The following PCDHA2 variants were observed in gnomAD, a reference collection of about 807,000 sequenced individuals.
PCDHA2 encodes the protein protocadherin alpha 2.
PCDHA2 carries 58 observed loss-of-function variants against 66.0 expected under a neutral mutation model. The ratio of observed to expected loss-of-function variants is 0.88; its 90% CI spans 0.71 to 1.09. PCDHA2 has a LOEUF of 1.09. Among genes scored for constraint, PCDHA2 ranks in the 50% least tolerant of loss-of-function variants. PCDHA2 has a pLI of 0.00. For synonymous variants in PCDHA2, 634 were observed against 554.0 expected, an observed-to-expected ratio of 1.14 and a Z score of -2.03; for missense variants, 1,267 against 1,242.3, an observed-to-expected ratio of 1.02 and a Z score of -0.30.
At chr5:140,877,705 G>A (rs974017564) in intron 1 of PCDHA2, 1 of 1,614,016 alleles carries the variant, frequency 6.2e-7, no homozygotes, top group South Asian at 1.1e-5. Flanking sequence ...CTCCAGCGCC[G>A]TGGGGAGTTG....
chr5:140,828,105 CG>C (rs2150151018), intron 1 of PCDHA2: 1 of 1,610,250 alleles, frequency 6.2e-7, no homozygotes, highest in Non-Finnish European at 8.5e-7. Flanking sequence ...GTGTTTACCC[CG>C]GAGGATAGAT....
At chr5:141,007,395 C>CAAAAAAAAAAAAA (rs35800918) in intron 3 of PCDHA2, among the ~76,000 whole-genome samples, 1 of 94,866 alleles carries the variant, frequency 1.1e-5, no homozygotes. Flanking sequence ...TACTAAAATA[C>CAAAAAAAAAAAAA]AAAAAAAAAA....
At chr5:140,803,853 C>T (rs1044553509) in intron 1 of PCDHA2, 9 of 590,676 alleles carry the variant, frequency 1.5e-5, no homozygotes, top group Middle Eastern at 4.4e-4. Context: ...TTGCTAAATG[C>T]CTGGGTATAA....
chr5:140,890,341 T>C (rs2062601372), intron 1 of PCDHA2, among the ~76,000 whole-genome samples: 1 of 152,190 alleles, frequency 6.6e-6, no homozygotes, highest in Non-Finnish European at 1.5e-5. Context: ...GTTGGGATGG[T>C]TTACTATATA....
chr5:140,840,414 T>C (rs1377292591), intron 1 of PCDHA2, among the ~76,000 whole-genome samples: 1 of 151,872 alleles, frequency 6.6e-6, no homozygotes, highest in Non-Finnish European at 1.5e-5. Flanking sequence ...ATACTTCAAA[T>C]AATAGGCTAG....
Position 140,795,664 on chromosome 5 carries a change from GA to G in PCDHA2, c.701del (p.Asp234ValfsTer2). The G allele has an allele frequency of 6.2e-7, 1 of 1,614,126 alleles. No individual in the cohort carries two copies. The highest frequency in any genetic ancestry group is 8.5e-7 in the Non-Finnish European group (1 of 1,180,010). ...CGTTCAAATACTTATTAAGGTATTAGATGTAAATGACAATGAACCAACTTTT... is the reference window on the plus strand; with the variant it reads ...CGTTCAAATACTTATTAAGGTATTAGTGTAAATGACAATGAACCAACTTTT... ...GTVQILIKVLDVNDNEPTFAQ... is the reference protein window; with the variant it reads ...GTVQILIKVLXVNDNEPTFAQ... On this transcript the variant is annotated frameshift_variant, in exon 1 of 4. Transcript: ENST00000526136. LOFTEE classifies it high-confidence loss of function.
intron 3 of PCDHA2, among the ~76,000 whole-genome samples, chr5:141,005,572 C>T (rs548748234): frequency 4.6e-5 from 7 of 151,094 alleles, no homozygotes; most frequent in East Asian, 1.9e-4. Context: ...CATGGTGGCG[C>T]GTGCCTGTAG....
rs2150443842 is a variant in PCDHA2 at position 140,849,644 on chromosome 5, G to A, written c.2388+52292G>A. 141 of 1,598,706 alleles carry A rather than the reference G, an allele frequency of 8.8e-5. 10 individuals are homozygous for A. In the East Asian group the frequency reaches 1.0e-3, roughly 12 times the overall value. ...TCGACCTAGACGCAGATGCCAACGG[G>A]CAGGTTACCTGCTCCCTGACGCCCC... On this transcript the variant is annotated intron_variant, in intron 1 of 3. Coordinates refer to ENST00000526136, the MANE Select transcript of PCDHA2 (RefSeq NM_018905.3).
intron 1 of PCDHA2, among the ~76,000 whole-genome samples, chr5:140,893,379 ACAG>A (rs2063957000): frequency 6.6e-6 from 1 of 152,140 alleles, no homozygotes; most frequent in South Asian, 2.1e-4. Context: ...CATTTATGGG[ACAG>A]TGGCTCATGC....
intron 1 of PCDHA2, chr5:140,927,331 A>T: frequency 6.2e-7 from 1 of 1,614,134 alleles, no homozygotes; most frequent in Non-Finnish European, 8.5e-7. Flanking sequence ...TACTCTCCCG[A>T]ATGCCCAAGA....
chr5:140,823,064 G>T (rs2150121897), intron 1 of PCDHA2: 1 of 1,614,062 alleles, frequency 6.2e-7, no homozygotes, highest in Non-Finnish European at 8.5e-7. Context: ...CGGGACGGGG[G>T]CTCGCCTTCG....
chr5:140,830,614 TTG>T (rs1387881436), intron 1 of PCDHA2: 73 of 608,268 alleles, frequency 1.2e-4, no homozygotes, highest in East Asian at 2.1e-4. Context: ...TTTCATTTTA[TTG>T]TGTTTCTTAT....
At chr5:140,828,950 G>A (rs2150161338) in intron 1 of PCDHA2, 72 of 1,614,042 alleles carry the variant, frequency 4.5e-5, no homozygotes, top group Admixed American at 1.5e-4. Context: ...CCTTGTTGCA[G>A]CCATGGTTAT....
In PCDHA2 at chr5:140,843,325, G is replaced by T. The variant is rs2150357511; in HGVS notation, c.2388+45973G>T. ...CCGCCACGGCCACGGTTCTGGTGTC[G>T]CTGGTGGAGAGCGGCCAGGCTCCAA... On this transcript the variant is annotated intron_variant, in intron 1 of 3. Coordinates refer to ENST00000526136, the MANE Select transcript of PCDHA2 (RefSeq NM_018905.3). 5.0e-6 allele frequency: 8 copies of T among 1,596,050 alleles called. 2 individuals are homozygous for T. Among genetic ancestry groups the T allele is most frequent in the Non-Finnish European group, 6.0e-6 (7 of 1,165,566 alleles).
chr5:140,932,500 T>C (rs2088368568), intron 1 of PCDHA2, among the ~76,000 whole-genome samples: 3 of 151,914 alleles, frequency 2.0e-5, no homozygotes, highest in Non-Finnish European at 4.4e-5. Context: ...ATGTCATTTG[T>C]TAACAGTAGT....
At chr5:140,896,864 G>A (rs1223708211) in intron 1 of PCDHA2, among the ~76,000 whole-genome samples, 1 of 152,088 alleles carries the variant, frequency 6.6e-6, no homozygotes, top group Admixed American at 6.5e-5. Flanking sequence ...CATAATAAGT[G>A]TACATATTTA....
In PCDHA2 at chr5:140,850,346, C is replaced by A. The variant is rs2150480590; in HGVS notation, c.2388+52994C>A. On this transcript the variant is annotated intron_variant, in intron 1 of 3. Transcript: ENST00000526136. ...ACGAGCTGCAGCCAGAAACGGCCAGCGCGAGCATCCCGTTCCGCGTGGGGC... is the reference window on the plus strand; with the variant it reads ...ACGAGCTGCAGCCAGAAACGGCCAGAGCGAGCATCCCGTTCCGCGTGGGGC... 9 of 1,597,626 alleles carry A rather than the reference C, an allele frequency of 5.6e-6. 1 individual carries two copies. In the East Asian group the frequency reaches 2.0e-4, roughly 36 times the overall value.
chr5:141,010,377 G>A lies in PCDHA2; in HGVS notation c.*440G>A. 1 of 1,444,554 alleles carries A rather than the reference G, an allele frequency of 6.9e-7. No individual in the cohort carries two copies. The highest frequency in any genetic ancestry group is 1.4e-5 in the South Asian group (1 of 71,996). The allele number at this position is 1,444,554 out of a possible 1,614,324, so 89.5% of individuals were successfully genotyped here. ...GGCTACCGCGGGTATGCGAGTGCCA[G>A]ATATTGGCTGAGACGAGCCAGCTTA... On this transcript the variant is annotated 3_prime_UTR_variant, in exon 4 of 4. Transcript: ENST00000526136.
intron 1 of PCDHA2, chr5:140,852,273 GT>G (rs2042286951): frequency 2.0e-6 from 1 of 502,736 alleles, no homozygotes; most frequent in South Asian, 8.6e-5. Context: ...AATATTACAT[GT>G]TTTTTGTCTT....
Sources: gnomAD v4.1 joint callset for allele counts (sites outside exome capture counted in the v4.1 genomes callset) on GRCh38, gnomAD v4.1.1 for gene constraint, MANE v1.5 for transcripts, NCBI Gene and HGNC (gene_info 2026-07-23, HGNC 2026-07-21) for gene names.